The following ASPRV1 variants were observed in gnomAD, a reference collection of about 807,000 sequenced individuals.
ASPRV1 encodes aspartic peptidase retroviral like 1, also known as retroviral-like aspartic protease 1.
Under a neutral mutation model 11.0 loss-of-function variants are expected in ASPRV1, and 7 were observed. The ratio of observed to expected loss-of-function variants is 0.64; its 90% CI spans 0.36 to 1.20. The LOEUF is 1.20. Ranked by LOEUF, ASPRV1 falls within the 50% of genes most tolerant of loss-of-function variation. The pLI is 0.02. For synonymous variants in ASPRV1, 136 were observed against 138.4 expected (o/e 0.98, Z 0.12); for missense variants, 299 against 320.0 (o/e 0.93, Z 0.50).
At chr2:69,954,051 G>A in the ASPRV1 span, among the ~76,000 whole-genome samples, 1 of 152,156 alleles carries the variant, frequency 6.6e-6, no homozygotes, top group African/African-American at 2.4e-5. Context: ...TTTCTTAAAT[G>A]ACATCTCTCA....
chr2:69,935,693 A>T, the ASPRV1 span, among the ~76,000 whole-genome samples: 1 of 152,186 alleles, frequency 6.6e-6, no homozygotes, highest in Non-Finnish European at 1.5e-5. Flanking sequence ...TACAAGCCAG[A>T]AATTCAGGAG....
At chr2:70,027,718 T>G in the ASPRV1 span, among the ~76,000 whole-genome samples, 1 of 152,020 alleles carries the variant, frequency 6.6e-6, no homozygotes, top group Non-Finnish European at 1.5e-5. Context: ...TGATGAGAGG[T>G]TGGTTAATGG....
the ASPRV1 span, among the ~76,000 whole-genome samples, chr2:70,024,998 T>C: frequency 6.6e-6 from 1 of 152,236 alleles, no homozygotes. Context: ...TTGCACTGTC[T>C]GTAGCTCAAA....
chr2:69,961,430 C>T lies in ASPRV1; in HGVS notation c.7G>A (p.Gly3Arg), dbSNP rs148290351. The T allele has an allele frequency of 1.4e-3, 2,262 of 1,614,072 alleles. 1 individual carries two copies. Among genetic ancestry groups the T allele is most frequent in the Middle Eastern group, 3.5e-3 (21 of 6,062 alleles). ...CCTTCCTCACTCCTGGCTCCGCTCC[C>T]GGCCATCCTGCTGCTCTCCTCTGGA... is the stretch of plus-strand genomic sequence containing the variant. MA[G>R]SGARSEEGRR... Residue 3 changes from glycine to arginine, a missense_variant, in exon 1 of 1, where the codon GGG becomes AGG. Physicochemically the swap from Gly to Arg is moderately radical, Grantham distance 125 (BLOSUM62 -2). Coordinates refer to ENST00000320256, the MANE Select transcript of ASPRV1 (RefSeq NM_152792.4).
upstream of ASPRV1, chr2:69,961,840 G>A (rs1459738634): frequency 1.8e-5 from 15 of 829,696 alleles, no homozygotes; most frequent in Admixed American, 3.1e-4. Flanking sequence ...TCTGTTGAAG[G>A]GGGACTACCC....
chr2:69,958,602 T>G (rs1677991267), downstream of ASPRV1, among the ~76,000 whole-genome samples: 1 of 142,204 alleles, frequency 7.0e-6, no homozygotes, highest in Non-Finnish European at 1.5e-5. Context: ...CCCTCCCTCC[T>G]TCTACCCAGC....
chr2:70,083,984 G>T, the ASPRV1 span, among the ~76,000 whole-genome samples: 1 of 152,102 alleles, frequency 6.6e-6, no homozygotes, highest in Non-Finnish European at 1.5e-5. Flanking sequence ...CAAGGTGTCT[G>T]TATGACATGT....
the ASPRV1 span, chr2:70,050,343 AAAAT>A: frequency 3.3e-5 from 5 of 152,262 alleles, no homozygotes; most frequent in Admixed American, 2.6e-4. Flanking sequence ...TCTTCATATC[AAAAT>A]AAATACCAGA....
the ASPRV1 span, among the ~76,000 whole-genome samples, chr2:69,982,110 C>T: frequency 9.3e-4 from 142 of 152,160 alleles, no homozygotes; most frequent in African/African-American, 3.3e-3. Context: ...ACAAGAGCTG[C>T]AATGCTCAGG....
At chr2:70,003,379 C>G in the ASPRV1 span, 6 of 152,248 alleles carry the variant, frequency 3.9e-5, no homozygotes, top group Admixed American at 3.9e-4. Flanking sequence ...ATGTTAAGCA[C>G]GTAGAACACT....
At chr2:70,013,809 A>G in the ASPRV1 span, among the ~76,000 whole-genome samples, 1 of 152,340 alleles carries the variant, frequency 6.6e-6, no homozygotes, top group South Asian at 2.1e-4. Flanking sequence ...TGAGCCTGGG[A>G]GGCGAAGACT....
chr2:70,015,484 T>TCATATACAG, the ASPRV1 span: 1 of 152,228 alleles, frequency 6.6e-6, no homozygotes, highest in African/African-American at 2.4e-5. Context: ...GGCCAACTTT[T>TCATATACAG]CATATACAGA....
the ASPRV1 span, among the ~76,000 whole-genome samples, chr2:69,974,086 C>T: frequency 6.6e-6 from 1 of 151,986 alleles, no homozygotes; most frequent in African/African-American, 2.4e-5. Context: ...GCCTGTAATC[C>T]CAACACTTTG....
the ASPRV1 span, chr2:69,938,058 C>T: frequency 8.3e-5 from 132 of 1,591,906 alleles, 1 homozygote; most frequent in African/African-American, 6.2e-4. Context: ...TTCTGCAGAG[C>T]GCTTTCATCA....
At chr2:69,959,706 T>C (rs1004638993), downstream of ASPRV1, among the ~76,000 whole-genome samples, 2 of 152,194 alleles carry the variant, frequency 1.3e-5, no homozygotes, top group Non-Finnish European at 2.9e-5. Flanking sequence ...AAGTTCTCGC[T>C]CCTGGACAGC....
chr2:70,052,699 TAAG>T, the ASPRV1 span, among the ~76,000 whole-genome samples: 1 of 152,170 alleles, frequency 6.6e-6, no homozygotes, highest in Non-Finnish European at 1.5e-5. Flanking sequence ...AAAAGGGACA[TAAG>T]AAGGATGGAA....
At chr2:70,047,743 C>A in the ASPRV1 span, among the ~76,000 whole-genome samples, 1 of 152,146 alleles carries the variant, frequency 6.6e-6, no homozygotes, top group African/African-American at 2.4e-5. Flanking sequence ...TCAGAAGCCT[C>A]CCGAGAGGAG....
chr2:69,966,126 T>C (rs1189159740), upstream of ASPRV1, among the ~76,000 whole-genome samples: 1 of 152,166 alleles, frequency 6.6e-6, no homozygotes, highest in Non-Finnish European at 1.5e-5. Flanking sequence ...CCCAGTGCCA[T>C]TGCAAGCCTC....
the ASPRV1 span, among the ~76,000 whole-genome samples, chr2:69,969,973 C>T: frequency 6.6e-6 from 1 of 151,912 alleles, no homozygotes; most frequent in African/African-American, 2.4e-5. Context: ...CTCAAGCAAT[C>T]CTCCCGCCTT....
Sources: allele counts gnomAD v4.1 joint callset (sites outside exome capture counted in the v4.1 genomes callset), GRCh38; gene constraint gnomAD v4.1.1; transcripts MANE v1.5; gene names NCBI Gene and HGNC (gene_info 2026-07-23, HGNC 2026-07-21).